The following FOXN4 variants were observed in gnomAD, a reference collection of about 807,000 sequenced individuals.
FOXN4 encodes the protein forkhead box N4.
FOXN4 carries 12 observed loss-of-function variants against 45.0 expected under a neutral mutation model. The observed-to-expected ratio is 0.27, with a 90% confidence interval of 0.17 to 0.43. FOXN4 has a LOEUF of 0.43. Ranked by LOEUF, FOXN4 falls within the 20% of genes least tolerant of loss-of-function variation. The pLI is 1.00. For missense variants in FOXN4, 560 were observed against 694.9 expected (o/e 0.81, Z 2.18); for synonymous variants, 297 against 295.0 (o/e 1.01, Z -0.07).
Position 109,279,853 on chromosome 12 carries a change from AG to A in FOXN4, c.1371del (p.Cys458ValfsTer8). 1 of 1,613,972 alleles carries A rather than the reference AG, an allele frequency of 6.2e-7. No individual in the cohort carries two copies. Among genetic ancestry groups the A allele is most frequent in the Non-Finnish European group, 8.5e-7 (1 of 1,179,880 alleles). Reference sequence around the variant, plus strand: ...GTTAGGCCTGAGGCCCCCAGGTCACAGCCAAGCGGGGAGTCTGCAAAGGCGC... The same window carrying A: ...GTTAGGCCTGAGGCCCCCAGGTCACACCAAGCGGGGAGTCTGCAAAGGCGC... ...TLGAFADSPL[G>X]CDLGASGLTP... On this transcript the variant is annotated frameshift_variant, in exon 10 of 10. Transcript: ENST00000299162. LOFTEE classifies it low-confidence loss of function (END_TRUNC).
At position 109,284,675 on chromosome 12, in the gene FOXN4, T is replaced by C. The variant is rs554971156; in HGVS notation, c.901+629A>G. ...CCTCTTCCACGTGTGTGTGCGCACATGTGTGTGTGTGCATCCAGGCCTCAC... is the reference window on the plus strand; with the variant it reads ...CCTCTTCCACGTGTGTGTGCGCACACGTGTGTGTGTGCATCCAGGCCTCAC... On this transcript the variant is annotated intron_variant, in intron 8 of 9. Coordinates refer to ENST00000299162, the MANE Select transcript of FOXN4 (RefSeq NM_213596.3). Among the ~76,000 whole-genome samples, 5 of 148,786 alleles carry C rather than the reference T, an allele frequency of 3.4e-5. No homozygotes were observed. The East Asian group carries it at 8.1e-4, about 24-fold the overall frequency.
chr12:109,306,862 C>T (rs2047925822), intron 2 of FOXN4, among the ~76,000 whole-genome samples: 1 of 152,240 alleles, frequency 6.6e-6, no homozygotes, highest in Non-Finnish European at 1.5e-5. Flanking sequence ...GCCACTAAAT[C>T]ACTTGGCATT....
chr12:109,307,426 G>A (rs942853444), intron 2 of FOXN4, among the ~76,000 whole-genome samples: 1 of 152,166 alleles, frequency 6.6e-6, no homozygotes, highest in African/African-American at 2.4e-5. Flanking sequence ...GAAAGAGGCC[G>A]GGAGGGGACT....
At position 109,290,151 on chromosome 12, in the gene FOXN4, A is replaced by C; in HGVS notation, c.222T>G (p.His74Gln). 1 of 1,548,050 alleles carries C rather than the reference A, an allele frequency of 6.5e-7. No individual in the cohort carries two copies. The highest frequency in any genetic ancestry group is 8.7e-7 in the Non-Finnish European group (1 of 1,145,068). ...TGTCCCTGAGCCTACCTGGGTGTGG[A>C]TGTGGCACGCAGGGGCCACCCAGGT... ...RVDLGGPCVP[H>Q]PHPGALAGVA... The change falls in exon 3 of 10, where the codon CAT (histidine) becomes CAG (glutamine). Residue 74 changes from histidine to glutamine, a missense_variant. By Grantham distance (24) the His-to-Gln change is conservative (BLOSUM62 0). Around this residue, in one of 5 missense-constraint regions of FOXN4, gnomAD observed 142 missense variants for 185.7 expected, o/e 0.76. Transcript: ENST00000299162. This position sits in a 1 kb window ranked among gnomAD's most constrained non-coding sequence, Gnocchi z 5.1.
intron 2 of FOXN4, among the ~76,000 whole-genome samples, chr12:109,297,786 T>C (rs191801364): frequency 3.9e-5 from 6 of 152,302 alleles, no homozygotes; most frequent in African/African-American, 1.4e-4. Flanking sequence ...CTCTATGATA[T>C]CTAGAAAATC....
intron 2 of FOXN4, among the ~76,000 whole-genome samples, chr12:109,297,033 A>C (rs2047824058): frequency 6.6e-6 from 1 of 152,222 alleles, no homozygotes; most frequent in South Asian, 2.1e-4. Context: ...AGGGTCACCC[A>C]GCCAGGGAGC....
intron 8 of FOXN4, among the ~76,000 whole-genome samples, chr12:109,282,059 A>AT (rs1429335900): frequency 3.3e-5 from 5 of 152,238 alleles, no homozygotes; most frequent in African/African-American, 1.2e-4. Context: ...ATATTTTATT[A>AT]TTTTAAACAT....
chr12:109,294,254 C>T (rs2047796451), intron 2 of FOXN4, among the ~76,000 whole-genome samples: 1 of 152,166 alleles, frequency 6.6e-6, no homozygotes, highest in Non-Finnish European at 1.5e-5. Flanking sequence ...GGGGACACGG[C>T]CAAAGCTCAG....
At position 109,278,246 on chromosome 12, in the gene FOXN4, G is replaced by T. The variant is rs542471648; in HGVS notation, c.*1425C>A. Reference sequence around the variant, plus strand: ...TTAATGCCAAAACTCCCAGGCAGCTGGCTGAGCTGTTGATTAAACAGAACA... The same window carrying T: ...TTAATGCCAAAACTCCCAGGCAGCTTGCTGAGCTGTTGATTAAACAGAACA... On this transcript the variant is annotated 3_prime_UTR_variant, in exon 10 of 10. Coordinates refer to ENST00000299162, the MANE Select transcript of FOXN4 (RefSeq NM_213596.3). 2 of 152,346 alleles carry T rather than the reference G, an allele frequency of 1.3e-5. No homozygotes were observed. The highest frequency in any genetic ancestry group is 4.1e-4 in the South Asian group (2 of 4,832). The allele number at this position is 152,346 out of a possible 1,614,324, so 9.4% of individuals were successfully genotyped here. A position where few individuals can be genotyped will look rare whatever the true frequency, so the allele number is the denominator to read the frequency against.
At position 109,288,349 on chromosome 12, in the gene FOXN4, G is replaced by A. The variant is rs1040212142; in HGVS notation, c.233-169C>T. On this transcript the variant is annotated intron_variant, in intron 3 of 9. Transcript: ENST00000299162. The surrounding 1 kb of genome is among the most constrained non-coding windows in gnomAD (Gnocchi z 4.3). ...TTCCCTGGTGTGTAGTGAAAAGTAGGTTCTTACCAGCTGTATAACCTTAGG... is the reference window on the plus strand; with the variant it reads ...TTCCCTGGTGTGTAGTGAAAAGTAGATTCTTACCAGCTGTATAACCTTAGG... 6.6e-6 allele frequency among the ~76,000 whole-genome samples: 1 copy of A among 152,194 alleles called. No homozygotes were observed. The highest frequency in any genetic ancestry group is 2.4e-5 in the African/African-American group (1 of 41,440).
chr12:109,303,011 C>T (rs1307661810), intron 2 of FOXN4, among the ~76,000 whole-genome samples: 1 of 152,216 alleles, frequency 6.6e-6, no homozygotes, highest in Non-Finnish European at 1.5e-5. Flanking sequence ...AAATTCCCAG[C>T]TTGGCCAAGG....
rs564479224 is a variant in FOXN4 at position 109,293,640 on chromosome 12, G to A, written c.87-3354C>T. On this transcript the variant is annotated intron_variant, in intron 2 of 9. Transcript: ENST00000299162. ...AGCCTCCTGAGTAGCTGGAAGTACA[G>A]GCACGCGCCACCACGCTGGGCTAAT... is the stretch of plus-strand genomic sequence containing the variant. Among the ~76,000 whole-genome samples, 3 of 152,344 alleles carry A rather than the reference G, an allele frequency of 2.0e-5. No individual in the cohort carries two copies. In the East Asian group the frequency reaches 5.8e-4, roughly 29 times the overall value.
At position 109,287,925 on chromosome 12, in the gene FOXN4, G is replaced by A; in HGVS notation, c.387C>T (p.Pro129=). 1 of 1,549,992 alleles carries A rather than the reference G, an allele frequency of 6.5e-7. No individual in the cohort carries two copies. The highest frequency in any genetic ancestry group is 8.7e-7 in the Non-Finnish European group (1 of 1,146,878). ...SMSQFPVGGQ[P]SSGLQDPPHL... is the part of the protein sequence containing the mutation. ...GCGGCGGGTCCTGCAGGCCAGATGA[G>A]GGCTGGCCCCCCACGGGGAACTGGC... is the stretch of plus-strand genomic sequence containing the variant. The change falls in exon 5 of 10, where the codon CCC becomes CCT. Residue 129 remains proline, a synonymous_variant. Coordinates refer to ENST00000299162, the MANE Select transcript of FOXN4 (RefSeq NM_213596.3). This position sits in a 1 kb window ranked among gnomAD's most constrained non-coding sequence, Gnocchi z 4.1.
intron 7 of FOXN4, among the ~76,000 whole-genome samples, 171 bp downstream of exon 7, chr12:109,286,477 C>T (rs564098712): frequency 6.6e-6 from 1 of 152,328 alleles, no homozygotes; most frequent in Non-Finnish European, 1.5e-5. Flanking sequence ...AAATGCCCCC[C>T]TCTCTTTCTG....
At chr12:109,282,952 C>T (rs552030869) in intron 8 of FOXN4, among the ~76,000 whole-genome samples, 5 of 150,824 alleles carry the variant, frequency 3.3e-5, no homozygotes, top group African/African-American at 4.9e-5. Context: ...GTGGGGTGGG[C>T]GCGATGTCAT....
Position 109,287,539 on chromosome 12 carries a change from G to A in FOXN4, c.469-15C>T, listed in dbSNP as rs1434213780. The A allele has an allele frequency of 6.6e-7, 1 of 1,510,272 alleles. No homozygotes were observed. Among genetic ancestry groups the A allele is most frequent in the Admixed American group, 2.4e-5 (1 of 42,094 alleles). The allele number at this position is 1,510,272 out of a possible 1,614,324, so 93.6% of individuals were successfully genotyped here. On this transcript the variant is annotated splice_polypyrimidine_tract_variant and intron_variant, in intron 5 of 9. Transcript: ENST00000299162. This position sits in a 1 kb window ranked among gnomAD's most constrained non-coding sequence, Gnocchi z 4.1. Reference sequence around the variant, plus strand: ...ACAGGAGGGCACTTCCCACAGGCAGGGGCAGGGAGAAAGTGGCAGAGAAAG... The same window carrying A: ...ACAGGAGGGCACTTCCCACAGGCAGAGGCAGGGAGAAAGTGGCAGAGAAAG...
chr12:109,302,171 C>T (rs1192480547), intron 2 of FOXN4, among the ~76,000 whole-genome samples: 1 of 152,258 alleles, frequency 6.6e-6, no homozygotes, highest in Admixed American at 6.5e-5. Flanking sequence ...AGACCCATAG[C>T]AGCCAGCTCT....
chr12:109,308,271 T>G lies in FOXN4; in HGVS notation c.51A>C (p.Ser17=), dbSNP rs1379594061. Residue 17 remains serine, a synonymous_variant, in exon 2 of 10, where the codon TCA becomes TCC. Transcript: ENST00000299162. The part of the protein sequence containing the change: ...SSIMSGIIRN[S]GQNHHPSPQE... ...GTGGAGAGGGGTGGTGATTTTGCCC[T>G]GAGTTTCGAATAATTCCTGACATTA... The G allele has an allele frequency of 6.4e-7, 1 of 1,552,028 alleles. No homozygotes were observed. The highest frequency in any genetic ancestry group is 2.0e-5 in the Admixed American group (1 of 50,968).
chr12:109,309,136 G>C lies in FOXN4; in HGVS notation c.-21C>G, dbSNP rs1265865175. The C allele has an allele frequency of 6.6e-6, 1 of 152,236 alleles. No individual in the cohort carries two copies. Among genetic ancestry groups the C allele is most frequent in the African/African-American group, 2.4e-5 (1 of 41,460 alleles). The allele number at this position is 152,236 out of a possible 1,614,324, so 9.4% of individuals were successfully genotyped here. ...GGCGGTACCTGGAGCCGATCCTCGC[G>C]GGGCCGCCGCTGCCGGCGCTCCGGG... On this transcript the variant is annotated 5_prime_UTR_variant, in exon 1 of 10. Transcript: ENST00000299162. This position sits in a 1 kb window ranked among gnomAD's most constrained non-coding sequence, Gnocchi z 5.0.
Sources: gnomAD v4.1 joint callset for allele counts (sites outside exome capture counted in the v4.1 genomes callset) on GRCh38, gnomAD v4.1.1 for gene constraint, gnomAD v4.1.1 regional missense constraint, Gnocchi (gnomAD v3.1) non-coding constraint, MANE v1.5 for transcripts, NCBI Gene and HGNC (gene_info 2026-07-23, HGNC 2026-07-21) for gene names.